MPPED2: variants seen among roughly 807,000 people sequenced by gnomAD.
MPPED2 encodes the protein metallophosphoesterase MPPED2.
A neutral mutation model predicts 33.0 loss-of-function variants in MPPED2; 5 were observed. That is an observed-to-expected ratio of 0.15 (90% CI 0.08 to 0.32). The LOEUF is 0.32. MPPED2 is among the 10% of genes least tolerant of loss of function. MPPED2 has a pLI of 1.00. For synonymous variants in MPPED2, 136 were observed against 141.9 expected, an observed-to-expected ratio of 0.96 and a Z score of 0.29; for missense variants, 275 against 372.1, an observed-to-expected ratio of 0.74 and a Z score of 2.15.
At chr11:30,529,584 A>T (rs1261055021) in intron 3 of MPPED2, among the ~76,000 whole-genome samples, 1 of 152,142 alleles carries the variant, frequency 6.6e-6, no homozygotes. Flanking sequence ...CACTAATGTT[A>T]ACAGTAGTTA....
At chr11:30,396,466 T>C (rs1441606433) in intron 6 of MPPED2, among the ~76,000 whole-genome samples, 1 of 152,178 alleles carries the variant, frequency 6.6e-6, no homozygotes, top group Non-Finnish European at 1.5e-5. Context: ...TGAAAGTTGT[T>C]GGTAGTTTGT....
At chr11:30,477,843 T>C (rs539002573) in intron 4 of MPPED2, among the ~76,000 whole-genome samples, 2 of 152,212 alleles carry the variant, frequency 1.3e-5, no homozygotes, top group South Asian at 4.1e-4. Flanking sequence ...GGATCTCAGT[T>C]TAGACACTTT....
rs969585166 is a variant in MPPED2 at position 30,410,261 on chromosome 11, G to T, written c.*1207C>A. The T allele has an allele frequency of 4.1e-6, 4 of 985,210 alleles. No homozygotes were observed. The highest frequency in any genetic ancestry group is 3.5e-5 in the African/African-American group (2 of 57,126). 61.0% of individuals were successfully genotyped at this position (985,210 alleles called of 1,614,324 possible). On this transcript the variant is annotated 3_prime_UTR_variant, in exon 7 of 7. Coordinates refer to ENST00000358117, the MANE Select transcript of MPPED2 (RefSeq NM_001584.3). ...GCAATTTTATTTGCATATAAAGGCC[G>T]CTAGATATAGAATATCACAATAAAT...
At chr11:30,498,601 G>A (rs1952408796) in intron 3 of MPPED2, among the ~76,000 whole-genome samples, 1 of 151,522 alleles carries the variant, frequency 6.6e-6, no homozygotes, top group Admixed American at 6.6e-5. Context: ...CGTTCCCAAG[G>A]CATGGTCTAT....
intron 2 of MPPED2, among the ~76,000 whole-genome samples, chr11:30,554,616 T>G (rs1955879759): frequency 6.6e-6 from 1 of 150,724 alleles, no homozygotes; most frequent in South Asian, 2.1e-4. Flanking sequence ...TCACTCAGCC[T>G]CCCAAGTAGC....
chr11:30,518,164 T>C (rs1225166725), intron 3 of MPPED2, among the ~76,000 whole-genome samples: 5 of 152,186 alleles, frequency 3.3e-5, no homozygotes, highest in Non-Finnish European at 7.3e-5. Context: ...TCTTTCTAGA[T>C]ATTCTAGACA....
chr11:30,419,640 A>G (rs1948524407), intron 4 of MPPED2, among the ~76,000 whole-genome samples: 2 of 152,188 alleles, frequency 1.3e-5, no homozygotes, highest in African/African-American at 4.8e-5. Context: ...CTGTTCTAGA[A>G]TGAGTCTTAG....
chr11:30,481,842 T>C (rs1044053571), intron 4 of MPPED2, among the ~76,000 whole-genome samples: 2 of 152,162 alleles, frequency 1.3e-5, no homozygotes, highest in African/African-American at 2.4e-5. Context: ...TTTTTTCAGC[T>C]GAATAAATGC....
intron 4 of MPPED2, among the ~76,000 whole-genome samples, chr11:30,461,764 C>T (rs751198565): frequency 1.3e-5 from 2 of 152,166 alleles, no homozygotes; most frequent in South Asian, 2.1e-4. Flanking sequence ...AATGTTCCTC[C>T]GGCCCTCAGA....
At chr11:30,470,710 A>G (rs569763275) in intron 4 of MPPED2, among the ~76,000 whole-genome samples, 2 of 152,062 alleles carry the variant, frequency 1.3e-5, no homozygotes, top group South Asian at 4.2e-4. Context: ...TATCCCCCAA[A>G]TCTCCCACTC....
At chr11:30,486,877 A>G (rs560015490) in intron 4 of MPPED2, among the ~76,000 whole-genome samples, 1 of 152,248 alleles carries the variant, frequency 6.6e-6, no homozygotes, top group South Asian at 2.1e-4. Flanking sequence ...TCCGTTTTGT[A>G]TGTCCATGAC....
chr11:30,584,458 C>G (rs1293514600), intron 1 of MPPED2: 1 of 153,316 alleles, frequency 6.5e-6, no homozygotes, highest in African/African-American at 2.4e-5. Flanking sequence ...GAAACACCAG[C>G]GCCTTACTCG....
chr11:30,580,803 C>T (rs1031824316), intron 1 of MPPED2, among the ~76,000 whole-genome samples: 1 of 152,202 alleles, frequency 6.6e-6, no homozygotes, highest in African/African-American at 2.4e-5. Flanking sequence ...GCCATGGCAT[C>T]TGGCTATACA....
At position 30,426,979 on chromosome 11, in the gene MPPED2, C is replaced by T. The variant is rs112704746; in HGVS notation, c.537-9346G>A. ...CTGAGCCTGCAAGGGTGGCGTGTGT[C>T]ACATGCCTGGCTGGCTCCAGAGCAC... On this transcript the variant is annotated intron_variant, in intron 4 of 6. Coordinates refer to ENST00000358117, the MANE Select transcript of MPPED2 (RefSeq NM_001584.3). Among the ~76,000 whole-genome samples, 649 of 152,280 alleles carry T rather than the reference C, an allele frequency of 4.3e-3. 2 individuals are homozygous for T. Among genetic ancestry groups the T allele is most frequent in the African/African-American group, 0.015 (608 of 41,564 alleles).
Position 30,495,450 on chromosome 11 carries a change from C to T in MPPED2, c.382G>A (p.Ala128Thr), listed in dbSNP as rs1952207718. 7 of 1,614,140 alleles carry T rather than the reference C, an allele frequency of 4.3e-6. No homozygotes were observed. The highest frequency in any genetic ancestry group is 1.7e-5 in the Admixed American group (1 of 60,024). ...HELTFDKEFM[A>T]DLVKQDYYRF... ...TAGTAGTCCTGTTTAACAAGGTCTG[C>T]CATGAATTCCTTATCAAATGTCAGT... Residue 128 changes from alanine to threonine, a missense_variant, in exon 4 of 7, where the codon GCA (alanine) becomes ACA (threonine). Ala to Thr is a moderately conservative substitution (Grantham distance 58). Transcript: ENST00000358117.
At chr11:30,542,739 A>G (rs1311575546) in intron 2 of MPPED2, among the ~76,000 whole-genome samples, 1 of 152,196 alleles carries the variant, frequency 6.6e-6, no homozygotes, top group Non-Finnish European at 1.5e-5. Context: ...TACATAGTCC[A>G]TGCTCTGGAA....
intron 4 of MPPED2, among the ~76,000 whole-genome samples, chr11:30,440,034 T>C (rs527517583): frequency 1.3e-5 from 2 of 152,268 alleles, no homozygotes; most frequent in East Asian, 3.9e-4. Flanking sequence ...TTTTTATAAA[T>C]AAACTTTTAC....
At chr11:30,465,723 G>T (rs752287781) in intron 4 of MPPED2, among the ~76,000 whole-genome samples, 1 of 152,192 alleles carries the variant, frequency 6.6e-6, no homozygotes, top group Non-Finnish European at 1.5e-5. Context: ...CAGTACAGTT[G>T]ACCCTTGAAC....
intron 6 of MPPED2, among the ~76,000 whole-genome samples, chr11:30,396,027 T>C (rs1947836111): frequency 6.6e-6 from 1 of 152,192 alleles, no homozygotes; most frequent in South Asian, 2.1e-4. Flanking sequence ...GTATTTATCA[T>C]ACTGAGATGC....
Sources: allele counts gnomAD v4.1 joint callset (sites outside exome capture counted in the v4.1 genomes callset), GRCh38; gene constraint gnomAD v4.1.1; transcripts MANE v1.5; gene names NCBI Gene and HGNC (gene_info 2026-07-23, HGNC 2026-07-21).